The following ERC1 variants were observed in gnomAD, a reference collection of about 807,000 sequenced individuals.
The protein encoded by ERC1 is ELKS/RAB6-interacting/CAST family member 1, also known as RAB6 interacting protein 2.
ERC1 carries 56 observed loss-of-function variants against 132.0 expected under a neutral mutation model. The observed-to-expected ratio is 0.42, with a 90% CI of 0.34 to 0.53. ERC1 has a LOEUF of 0.53. ERC1 is among the 20% of genes least tolerant of loss of function. The pLI is 0.03. For missense variants in ERC1, 1,202 were observed against 1,349.9 expected, an observed-to-expected ratio of 0.89 and a Z score of 1.72; for synonymous variants, 478 against 476.1, an observed-to-expected ratio of 1.00 and a Z score of -0.05.
rs145025101 is a variant in ERC1, at chr12:1,017,556, T to C, written c.-156-10192T>C. Reference sequence around the variant, plus strand: ...TCTGTCACCTAGGCTTGGAGTACAGTGGCACAGTATCTGCTCACTGCAACC... The same window carrying C: ...TCTGTCACCTAGGCTTGGAGTACAGCGGCACAGTATCTGCTCACTGCAACC... On this transcript the variant is annotated intron_variant, in intron 1 of 18. Coordinates refer to ENST00000360905, the MANE Select transcript of ERC1 (RefSeq NM_178040.4). 5.6e-3 allele frequency among the ~76,000 whole-genome samples: 835 copies of C among 149,116 alleles called. 2 individuals carry two copies. The highest frequency in any genetic ancestry group is 0.018 in the African/African-American group (743 of 40,386).
intron 17 of ERC1, among the ~76,000 whole-genome samples, chr12:1,439,746 G>A (rs577569240): frequency 2.6e-5 from 4 of 152,224 alleles, no homozygotes; most frequent in Admixed American, 6.5e-5. Flanking sequence ...TATTGAGGTC[G>A]CATGTGGAAA....
At chr12:1,336,599 C>G (rs2083333580) in intron 15 of ERC1, among the ~76,000 whole-genome samples, 2 of 152,106 alleles carry the variant, frequency 1.3e-5, no homozygotes, top group African/African-American at 4.8e-5. Context: ...TTTGATCATG[C>G]TGCGGTCTGA....
chr12:1,310,423 C>T (rs191339915), intron 15 of ERC1, among the ~76,000 whole-genome samples: 11 of 151,970 alleles, frequency 7.2e-5, no homozygotes, highest in African/African-American at 1.5e-4. Flanking sequence ...TGGCCAGGCT[C>T]GTCTCGAACT....
intron 1 of ERC1, among the ~76,000 whole-genome samples, chr12:995,200 T>C (rs1452757816): frequency 1.3e-5 from 2 of 151,884 alleles, no homozygotes; most frequent in African/African-American, 4.8e-5. Flanking sequence ...GAGGTTGCAG[T>C]GAGCTGTCAT....
intron 17 of ERC1, among the ~76,000 whole-genome samples, chr12:1,422,923 A>G (rs2092480758): frequency 6.6e-6 from 1 of 152,058 alleles, no homozygotes; most frequent in African/African-American, 2.4e-5. Flanking sequence ...ATGGTATCTC[A>G]TGGTTTGCAT....
chr12:1,028,667 T>A (rs754717117), intron 2 of ERC1, 95 bp downstream of exon 2: 19 of 972,818 alleles, frequency 2.0e-5, no homozygotes, highest in Non-Finnish European at 2.7e-5. Flanking sequence ...CCCTTCGTAG[T>A]ATATGTATCT....
intron 14 of ERC1, among the ~76,000 whole-genome samples, chr12:1,264,536 C>T (rs933408452): frequency 1.1e-4 from 16 of 151,974 alleles, no homozygotes; most frequent in African/African-American, 2.7e-4. Flanking sequence ...TGGTGGCGGG[C>T]GCCTGTAGTC....
At chr12:1,476,287 G>A (rs987726851) in intron 18 of ERC1, among the ~76,000 whole-genome samples, 1 of 151,622 alleles carries the variant, frequency 6.6e-6, no homozygotes, top group Non-Finnish European at 1.5e-5. Flanking sequence ...CAGGCGTGGT[G>A]GCACTCTCCT....
intron 8 of ERC1, among the ~76,000 whole-genome samples, chr12:1,168,443 G>A (rs1289489743): frequency 6.6e-6 from 1 of 150,962 alleles, no homozygotes; most frequent in Non-Finnish European, 1.5e-5. Context: ...CTTCTATAAA[G>A]CAGCTAAGCA....
intron 1 of ERC1, 111 bp downstream of exon 1, chr12:991,433 G>C (rs1353590868): frequency 6.5e-6 from 1 of 153,224 alleles, no homozygotes; most frequent in Non-Finnish European, 1.5e-5. Flanking sequence ...TCTTGCTCAC[G>C]GCCCGGGCTG....
chr12:1,170,541 C>T (rs887041279), intron 8 of ERC1, among the ~76,000 whole-genome samples: 2 of 151,996 alleles, frequency 1.3e-5, no homozygotes, highest in African/African-American at 2.4e-5. Flanking sequence ...GAAGGATTGC[C>T]GTTGTGGATT....
chr12:1,253,782 G>A (rs773741799), intron 13 of ERC1, among the ~76,000 whole-genome samples: 2 of 152,280 alleles, frequency 1.3e-5, no homozygotes, highest in Non-Finnish European at 2.9e-5. Context: ...AGATGTATTG[G>A]GAGTGGTATC....
intron 8 of ERC1, among the ~76,000 whole-genome samples, chr12:1,146,307 G>GTTTTTTTTTTTTTTTTTTTTT (rs1346178811): frequency 3.4e-5 from 2 of 59,394 alleles, no homozygotes; most frequent in African/African-American, 1.2e-4. Flanking sequence ...GTATTTTACT[G>GTTTTTTTTTTTTTTTTTTTTT]GTTTTTTTTT....
chr12:1,272,962 A>C (rs146852407), intron 14 of ERC1, among the ~76,000 whole-genome samples: 32,762 of 148,590 alleles, frequency 0.22, 4,497 homozygotes, highest in Non-Finnish European at 0.3. Flanking sequence ...AAAAAAAAAA[A>C]AAAAAAAAAA....
intron 18 of ERC1, among the ~76,000 whole-genome samples, chr12:1,452,962 G>A (rs1011050464): frequency 1.3e-5 from 2 of 152,124 alleles, no homozygotes; most frequent in Non-Finnish European, 2.9e-5. Flanking sequence ...TACGTTTAAT[G>A]TGAGCTCTGT....
intron 1 of ERC1, among the ~76,000 whole-genome samples, chr12:1,003,096 C>CAAAAAAAAAAAAAAAAAAAAAA: frequency 1.2e-5 from 1 of 86,898 alleles, no homozygotes; most frequent in Non-Finnish European, 2.0e-5. Flanking sequence ...ATGAAAAATG[C>CAAAAAAAAAAAAAAAAAAAAAA]AAAAAAAAAA....
chr12:1,065,480 T>TGTGTGTGTG (rs1938951655), intron 2 of ERC1, among the ~76,000 whole-genome samples: 17 of 124,922 alleles, frequency 1.4e-4, no homozygotes, highest in Non-Finnish European at 2.2e-4. Context: ...TTTGTACCGT[T>TGTGTGTGTG]TGTGTGTGTG....
chr12:1,356,506 T>C (rs889428590), intron 15 of ERC1, among the ~76,000 whole-genome samples: 1 of 152,146 alleles, frequency 6.6e-6, no homozygotes, highest in Non-Finnish European at 1.5e-5. Flanking sequence ...GAGTAAAGGT[T>C]ATTGCTTTAC....
chr12:1,417,435 C>T (rs1455165830), intron 17 of ERC1, among the ~76,000 whole-genome samples: 1 of 145,084 alleles, frequency 6.9e-6, no homozygotes, highest in Non-Finnish European at 1.5e-5. Context: ...ACTGCTGCTG[C>T]TTTTTTTTTT....
Sources: allele counts gnomAD v4.1 joint callset (sites outside exome capture counted in the v4.1 genomes callset), GRCh38; gene constraint gnomAD v4.1.1; transcripts MANE v1.5; gene names NCBI Gene and HGNC (gene_info 2026-07-23, HGNC 2026-07-21).